TEX22: variants seen among roughly 807,000 people sequenced by gnomAD.
The protein encoded by TEX22 is testis expressed 22.
A neutral mutation model predicts 11.3 loss-of-function variants in TEX22; 16 were observed. That is an observed-to-expected ratio of 1.42 (90% CI 0.96 to 2.15). The LOEUF (loss-of-function observed/expected upper bound fraction) is 2.15. TEX22 is among the 30% of genes most tolerant of loss of function. TEX22 has a pLI of 0.00. For synonymous variants in TEX22, 97 were observed against 92.3 expected, an observed-to-expected ratio of 1.05 and a Z score of -0.29; for missense variants, 220 against 208.6, an observed-to-expected ratio of 1.05 and a Z score of -0.34.
intron 2 of TEX22, among the ~76,000 whole-genome samples, chr14:105,401,215 T>C (rs1222987967): frequency 6.6e-6 from 1 of 152,300 alleles, no homozygotes; most frequent in East Asian, 1.9e-4. Context: ...TCAATGAATG[T>C]ATATGGAATA....
chr14:105,411,431 C>T lies in TEX22; in HGVS notation c.214C>T (p.Arg72Trp). The change falls in exon 3 of 4, where the codon CGG becomes TGG. Residue 72 changes from arginine to tryptophan, a missense_variant. By Grantham distance (101) the Arg-to-Trp change is moderately radical. Coordinates refer to ENST00000451127, the MANE Select transcript of TEX22 (RefSeq NM_001195082.2). ...CTGGAGCGTCAGCATCGACGAGCGC[C>T]GGCGGCTGGCCACGCTGGGCGGCCG... ...RRWSVSIDER[R>W]RLATLGGRER... is the part of the protein sequence containing the mutation. 5.6e-6 allele frequency: 7 copies of T among 1,244,976 alleles called. No individual in the cohort carries two copies. The highest frequency in any genetic ancestry group is 1.6e-5 in the African/African-American group (1 of 63,920). The allele number at this position is 1,244,976 out of a possible 1,614,324, so 77.1% of individuals were successfully genotyped here.
At chr14:105,399,209 A>G (rs1730069372) in intron 1 of TEX22, 93 bp from the exon 2 acceptor site, 2 of 725,428 alleles carry the variant, frequency 2.8e-6, no homozygotes, top group South Asian at 3.6e-5. Flanking sequence ...AGACCGCGAT[A>G]CTGCCACCAT....
chr14:105,399,184 G>A (rs1166101437), intron 1 of TEX22, 118 bp from the exon 2 acceptor site: 1 of 629,172 alleles, frequency 1.6e-6, no homozygotes, highest in East Asian at 2.8e-5. Context: ...CCTTTGGCTG[G>A]AAGGTGACCC....
At position 105,411,720 on chromosome 14, in the gene TEX22, C is replaced by A. The variant is rs1426140735; in HGVS notation, c.340C>A (p.Pro114Thr). 2 of 1,526,460 alleles carry A rather than the reference C, an allele frequency of 1.3e-6. No individual in the cohort carries two copies. Among genetic ancestry groups the A allele is most frequent in the African/African-American group, 2.8e-5 (2 of 71,804 alleles). 94.6% of individuals were successfully genotyped at this position (1,526,460 alleles called of 1,614,324 possible). Residue 114 changes from proline to threonine, a missense_variant, in exon 4 of 4, where the codon CCC (proline) becomes ACC (threonine). Physicochemically the swap from Pro to Thr is conservative, Grantham distance 38. Transcript: ENST00000451127. ...GGACGTGGACAAGGACGTGCTCCTT[C>A]CCCACCCGCTGAGGTCCACCGAGTC... ...SEDVDKDVLL[P>T]HPLRSTESTN...
In TEX22 at chr14:105,411,357, C is replaced by T. The variant is rs1176091450; in HGVS notation, c.151-11C>T. 2.6e-5 allele frequency: 35 copies of T among 1,326,426 alleles called. No homozygotes were observed. The highest frequency in any genetic ancestry group is 3.3e-5 in the Non-Finnish European group (34 of 1,037,674). 82.2% of individuals were successfully genotyped at this position (1,326,426 alleles called of 1,614,324 possible). ...CCGAGGCCCTCGCCGACCCGCTGCCCTGTCCCCCAGGTGTGCGAGCCGCCG... is the reference window on the plus strand; with the variant it reads ...CCGAGGCCCTCGCCGACCCGCTGCCTTGTCCCCCAGGTGTGCGAGCCGCCG... On this transcript the variant is annotated splice_polypyrimidine_tract_variant and intron_variant, in intron 2 of 3. Transcript: ENST00000451127.
chr14:105,405,407 G>T (rs145797812), intron 2 of TEX22, among the ~76,000 whole-genome samples: 1 of 152,160 alleles, frequency 6.6e-6, no homozygotes, highest in Non-Finnish European at 1.5e-5. Flanking sequence ...TCGCCGGTAC[G>T]TCATTTAATT....
chr14:105,405,511 G>C (rs1657875426), intron 2 of TEX22, among the ~76,000 whole-genome samples: 1 of 152,218 alleles, frequency 6.6e-6, no homozygotes, highest in Admixed American at 6.5e-5. Context: ...GGTTGTGAAC[G>C]TGTGCAGCGG....
Position 105,411,886 on chromosome 14 carries a change from C to G in TEX22, c.*53C>G, listed in dbSNP as rs978308323. On this transcript the variant is annotated 3_prime_UTR_variant, in exon 4 of 4. Transcript: ENST00000451127. ...TCCAGTGCCTTTCCTTGGGGGCCCACGGTGGGGGCAGCCTCTGCGCCTTCT... is the reference window on the plus strand; with the variant it reads ...TCCAGTGCCTTTCCTTGGGGGCCCAGGGTGGGGGCAGCCTCTGCGCCTTCT... The G allele has an allele frequency of 7.3e-7, 1 of 1,377,516 alleles. No homozygotes were observed. Among genetic ancestry groups the G allele is most frequent in the Non-Finnish European group, 9.4e-7 (1 of 1,062,178 alleles). The allele number at this position is 1,377,516 out of a possible 1,614,324, so 85.3% of individuals were successfully genotyped here. A position where few individuals can be genotyped will look rare whatever the true frequency, so the allele number is the denominator to read the frequency against.
chr14:105,404,258 A>G (rs1321025723), intron 2 of TEX22, among the ~76,000 whole-genome samples: 2 of 152,212 alleles, frequency 1.3e-5, no homozygotes, highest in Non-Finnish European at 2.9e-5. Flanking sequence ...GGATCTCCCC[A>G]TAGGACAGCT....
intron 2 of TEX22, 65 bp from the exon 3 acceptor site, chr14:105,411,303 T>C: frequency 8.1e-7 from 1 of 1,238,612 alleles, no homozygotes; most frequent in Non-Finnish European, 1.0e-6. Flanking sequence ...CGGCGGGTGC[T>C]GGGTGGGAGC....
intron 2 of TEX22, among the ~76,000 whole-genome samples, chr14:105,402,551 A>C (rs141219167): frequency 1.7e-4 from 25 of 151,084 alleles, no homozygotes; most frequent in Admixed American, 9.8e-4. Context: ...TCTGGAGATC[A>C]AGACCATCCT....
chr14:105,410,172 G>A (rs1231969403), intron 2 of TEX22, among the ~76,000 whole-genome samples: 1 of 151,798 alleles, frequency 6.6e-6, no homozygotes, highest in African/African-American at 2.4e-5. Context: ...CCACCTCCCG[G>A]ATTCAAGCGA....
chr14:105,399,154 G>A (rs1216176220), intron 1 of TEX22, 148 bp from the exon 2 acceptor site: 1 of 592,380 alleles, frequency 1.7e-6, no homozygotes, highest in Non-Finnish European at 3.0e-6. Context: ...ACTCCACCCA[G>A]AGGGGTCAGT....
chr14:105,404,131 A>G (rs1236423494), intron 2 of TEX22, among the ~76,000 whole-genome samples: 1 of 152,238 alleles, frequency 6.6e-6, no homozygotes, highest in Non-Finnish European at 1.5e-5. Context: ...GATAGCAGTC[A>G]ACACTTCAGT....
At chr14:105,411,330 C>G in intron 2 of TEX22, 38 bp from the exon 3 acceptor site, 1 of 1,271,084 alleles carries the variant, frequency 7.9e-7, no homozygotes, top group South Asian at 2.4e-5. Context: ...GGGGAGCTGG[C>G]GCCGAGGCCC....
rs1426512509 is a variant in TEX22 at position 105,399,399 on chromosome 14, A to G, written c.59A>G (p.Glu20Gly). The G allele has an allele frequency of 3.3e-6, 5 of 1,535,664 alleles. No homozygotes were observed. The highest frequency in any genetic ancestry group is 4.4e-6 in the Non-Finnish European group (5 of 1,146,790). The stretch of plus-strand genomic sequence containing the variant: ...AAGCTGGAGTCGCACCTCTCCCAAG[A>G]GCACAGGCGGCCCCCACTGGGCCTG... The part of the protein sequence containing the change: ...GKKLESHLSQ[E>G]HRRPPLGLIA... The change falls in exon 2 of 4, where the codon GAG (glutamate) becomes GGG (glycine). Residue 20 changes from glutamate (E) to glycine (G), a missense_variant. Transcript: ENST00000451127.
chr14:105,405,877 G>T (rs2081656266), intron 2 of TEX22, among the ~76,000 whole-genome samples: 1 of 152,248 alleles, frequency 6.6e-6, no homozygotes, highest in African/African-American at 2.4e-5. Context: ...ATAAGAGCAA[G>T]GCCTGGCTTG....
Position 105,399,496 on chromosome 14 carries a change from C to G in TEX22, c.150+6C>G. The G allele has an allele frequency of 6.6e-7, 1 of 1,524,248 alleles. No homozygotes were observed. Among genetic ancestry groups the G allele is most frequent in the Non-Finnish European group, 8.8e-7 (1 of 1,139,504 alleles). 94.4% of individuals were successfully genotyped at this position (1,524,248 alleles called of 1,614,324 possible). A position where few individuals can be genotyped will look rare whatever the true frequency, so the allele number is the denominator to read the frequency against. On this transcript the variant is annotated splice_donor_region_variant and intron_variant, in intron 2 of 3. Coordinates refer to ENST00000451127, the MANE Select transcript of TEX22 (RefSeq NM_001195082.2). ...GACTGCAGACTCAGGACTGGGTAAG[C>G]GGAAGGAAACCCTGGCCGAGGCTAC...
In TEX22 at chr14:105,411,942, C is replaced by T. The variant is rs1050813881; in HGVS notation, c.*109C>T. On this transcript the variant is annotated 3_prime_UTR_variant, in exon 4 of 4. Coordinates refer to ENST00000451127, the MANE Select transcript of TEX22 (RefSeq NM_001195082.2). ...CCCCACCAGGGGGTCACCACCCACC[C>T]ATGTTAGGAAAACAGGCCAGGCAGG... 4.6e-5 allele frequency: 53 copies of T among 1,158,158 alleles called. No individual in the cohort carries two copies. The African/African-American group carries it at 7.2e-4, about 16-fold the overall frequency. 71.7% of individuals were successfully genotyped at this position (1,158,158 alleles called of 1,614,324 possible). A position where few individuals can be genotyped will look rare whatever the true frequency, so the allele number is the denominator to read the frequency against.
Sources: allele counts gnomAD v4.1 joint callset (sites outside exome capture counted in the v4.1 genomes callset), GRCh38; gene constraint gnomAD v4.1.1; transcripts MANE v1.5; gene names NCBI Gene and HGNC (gene_info 2026-07-23, HGNC 2026-07-21).